Variants in UBA6 observed in about 807,000 individuals in gnomAD.
The protein encoded by UBA6 is ubiquitin like modifier activating enzyme 6, also known as ubiquitin-like modifier-activating enzyme 6.
UBA6 carries 87 observed loss-of-function variants against 148.3 expected under a neutral mutation model. That is an observed-to-expected ratio of 0.59 (90% confidence interval 0.49 to 0.70). The LOEUF (loss-of-function observed/expected upper bound fraction) is 0.70. Among genes scored for constraint, UBA6 ranks in the 30% least tolerant of loss-of-function variants. The pLI is 0.00. For missense variants in UBA6, 1,186 were observed against 1,241.2 expected, an observed-to-expected ratio of 0.96 and a Z score of 0.67; for synonymous variants, 376 against 401.0, an observed-to-expected ratio of 0.94 and a Z score of 0.75.
Position 67,624,126 on chromosome 4 carries a change from C to A in UBA6, c.2840G>T (p.Arg947Ile). 6.4e-7 allele frequency: 1 copy of A among 1,574,538 alleles called. No homozygotes were observed. The change falls in exon 30 of 33, where the codon AGA becomes ATA. Residue 947 changes from arginine (R) to isoleucine (I), a missense_variant and splice_region_variant. Transcript: ENST00000322244. Reference protein sequence around the residue: ...ETTEVRKTKIRNGISFTIWDR... With the variant: ...ETTEVRKTKIINGISFTIWDR... ...AAGAGAAATAGACTTTCATACATAC[C>A]TGATTTTAGTTTTCCTTACTTCAGT... is the stretch of plus-strand genomic sequence containing the variant.
At chr4:67,696,177 A>C (rs1174407214) in intron 2 of UBA6, among the ~76,000 whole-genome samples, 1 of 152,156 alleles carries the variant, frequency 6.6e-6, no homozygotes, top group African/African-American at 2.4e-5. Context: ...TGTATGACTA[A>C]AGTGAAATAT....
chr4:67,613,927 T>C lies in UBA6; in HGVS notation c.*5070A>G, dbSNP rs1728580988. 1 of 152,158 alleles carries C rather than the reference T, an allele frequency of 6.6e-6. No homozygotes were observed. 9.4% of individuals were successfully genotyped at this position (152,158 alleles called of 1,614,324 possible). On this transcript the variant is annotated 3_prime_UTR_variant, in exon 33 of 33. Transcript: ENST00000322244. ...GCAAAGCCATCCCTTGTGGGAAAAA[T>C]CTACATTCTATAAAGAATCCCCTTT... is the stretch of plus-strand genomic sequence containing the variant.
intron 12 of UBA6, 65 bp downstream of exon 12, chr4:67,663,074 T>C (rs1397005564): frequency 7.5e-6 from 9 of 1,205,002 alleles, no homozygotes; most frequent in Non-Finnish European, 1.1e-5. Flanking sequence ...ACTTTTTAAA[T>C]TATAATTTCT....
chr4:67,635,653 CT>C (rs34759035), intron 19 of UBA6, 95 bp from the exon 20 acceptor site: 17,321 of 701,108 alleles, frequency 0.025, 614 homozygotes, highest in Admixed American at 0.097. Flanking sequence ...ATTTCACATA[CT>C]GATCACTTCT....
chr4:67,662,056 G>A, intron 13 of UBA6, 133 bp downstream of exon 13: 1 of 709,948 alleles, frequency 1.4e-6, no homozygotes, highest in Non-Finnish European at 2.4e-6. Flanking sequence ...AATTAAAACA[G>A]AACAAACTGA....
intron 7 of UBA6, 135 bp downstream of exon 7, chr4:67,673,562 C>A: frequency 2.4e-5 from 11 of 465,632 alleles, no homozygotes; most frequent in Middle Eastern, 6.1e-4. Flanking sequence ...ATGAATATAT[C>A]AAAATTAATG....
intron 1 of UBA6, among the ~76,000 whole-genome samples, chr4:67,698,974 A>G (rs144440763): frequency 1.1e-4 from 17 of 152,294 alleles, no homozygotes; most frequent in African/African-American, 3.6e-4. Flanking sequence ...ACAAACAAAC[A>G]AAACAAAACA....
intron 26 of UBA6, among the ~76,000 whole-genome samples, chr4:67,629,410 T>A (rs1728946529): frequency 6.6e-6 from 1 of 151,888 alleles, no homozygotes; most frequent in African/African-American, 2.4e-5. Context: ...TTAAAAGGCA[T>A]TTTTAGGACT....
chr4:67,683,762 C>A (rs958062665), intron 2 of UBA6, among the ~76,000 whole-genome samples: 1 of 152,054 alleles, frequency 6.6e-6, no homozygotes, highest in African/African-American at 2.4e-5. Context: ...TTAGACAGTG[C>A]CAAACTGTTT....
In UBA6 at chr4:67,701,129, A is replaced by C; in HGVS notation, c.-10T>G. 1 of 1,612,062 alleles carries C rather than the reference A, an allele frequency of 6.2e-7. No individual in the cohort carries two copies. Among genetic ancestry groups the C allele is most frequent in the Non-Finnish European group, 8.5e-7 (1 of 1,179,724 alleles). On this transcript the variant is annotated 5_prime_UTR_variant, in exon 1 of 33. Coordinates refer to ENST00000322244, the MANE Select transcript of UBA6 (RefSeq NM_018227.6). Reference sequence around the variant, plus strand: ...GCTCGGATCCTTCCATTGCCGCCTGAGACACCGCCGCCGGCTACTGGAAGG... The same window carrying C: ...GCTCGGATCCTTCCATTGCCGCCTGCGACACCGCCGCCGGCTACTGGAAGG...
intron 27 of UBA6, among the ~76,000 whole-genome samples, chr4:67,628,115 TG>T (rs1728912865): frequency 1.3e-5 from 2 of 151,814 alleles, no homozygotes; most frequent in South Asian, 4.1e-4. Flanking sequence ...TAACATTAAG[TG>T]GATCTTCAGT....
In UBA6 at chr4:67,649,088, A is replaced by AT; in HGVS notation, c.1227dup (p.Phe410IlefsTer11). 6.2e-7 allele frequency: 1 copy of AT among 1,613,462 alleles called. No individual in the cohort carries two copies. Among genetic ancestry groups the AT allele is most frequent in the East Asian group, 2.2e-5 (1 of 44,854 alleles). On this transcript the variant is annotated frameshift_variant, in exon 14 of 33. Transcript: ENST00000322244. LOFTEE classifies it high-confidence loss of function. Reference sequence around the variant, plus strand: ...CTAACCCACTGGCACAAAGGAGAAAATTTTCCTGTTACAGCTTTCAATACT... The same window carrying AT: ...CTAACCCACTGGCACAAAGGAGAAAATTTTTCCTGTTACAGCTTTCAATACT...
intron 30 of UBA6, 113 bp downstream of exon 30, chr4:67,624,013 T>A: frequency 1.1e-6 from 1 of 898,344 alleles, no homozygotes; most frequent in Non-Finnish European, 1.6e-6. Flanking sequence ...TGGCAAAAAT[T>A]TACACATACA....
intron 6 of UBA6, among the ~76,000 whole-genome samples, chr4:67,675,561 T>A (rs371457192): frequency 6.6e-5 from 10 of 152,060 alleles, no homozygotes; most frequent in African/African-American, 2.4e-4. Flanking sequence ...TGAAGCCCCA[T>A]CTCTACTAAA....
Position 67,677,575 on chromosome 4 carries a change from C to T in UBA6, c.465+36G>A, listed in dbSNP as rs746396014. The T allele has an allele frequency of 6.3e-6, 7 of 1,106,972 alleles. No individual in the cohort carries two copies. In the Admixed American group the frequency reaches 6.5e-5, roughly 10 times the overall value. 68.6% of individuals were successfully genotyped at this position (1,106,972 alleles called of 1,614,324 possible). ...ATATTTAACAATTTTGCCCTGGAACCTGTCAATAACATTTAATACAAAATG... is the reference window on the plus strand; with the variant it reads ...ATATTTAACAATTTTGCCCTGGAACTTGTCAATAACATTTAATACAAAATG... On this transcript the variant is annotated intron_variant, in intron 6 of 32. Coordinates refer to ENST00000322244, the MANE Select transcript of UBA6 (RefSeq NM_018227.6).
intron 19 of UBA6, 57 bp downstream of exon 19, chr4:67,638,886 G>A: frequency 7.6e-7 from 1 of 1,315,444 alleles, no homozygotes; most frequent in Non-Finnish European, 1.1e-6. Flanking sequence ...AGTAATGTGG[G>A]AAACAGAAGT....
Position 67,701,141 on chromosome 4 carries a change from C to A in UBA6, c.-22G>T. On this transcript the variant is annotated 5_prime_UTR_variant, in exon 1 of 33. Transcript: ENST00000322244. ...CCATTGCCGCCTGAGACACCGCCGC[C>A]GGCTACTGGAAGGTAGGAAGGGGCG... 5 of 1,598,516 alleles carry A rather than the reference C, an allele frequency of 3.1e-6. No individual in the cohort carries two copies. Among genetic ancestry groups the A allele is most frequent in the Non-Finnish European group, 4.3e-6 (5 of 1,173,058 alleles).
intron 2 of UBA6, among the ~76,000 whole-genome samples, chr4:67,694,648 C>T (rs1228061278): frequency 1.3e-5 from 2 of 152,122 alleles, no homozygotes; most frequent in African/African-American, 4.8e-5. Flanking sequence ...CCACCCGCCT[C>T]GGCCTCCCAA....
rs376211960 is a variant in UBA6 at position 67,696,607 on chromosome 4, A to G, written c.134+38T>C. 7.9e-6 allele frequency: 12 copies of G among 1,509,994 alleles called. No individual in the cohort carries two copies. In the African/African-American group the frequency reaches 1.4e-4, roughly 17 times the overall value. 93.5% of individuals were successfully genotyped at this position (1,509,994 alleles called of 1,614,324 possible). A position where few individuals can be genotyped will look rare whatever the true frequency, so the allele number is the denominator to read the frequency against. ...CTACTTGATTATTTGAGAACAATTAATGGGGAAAATAAGTTTCAGTTTCTA... is the reference window on the plus strand; with the variant it reads ...CTACTTGATTATTTGAGAACAATTAGTGGGGAAAATAAGTTTCAGTTTCTA... On this transcript the variant is annotated intron_variant, in intron 2 of 32. Coordinates refer to ENST00000322244, the MANE Select transcript of UBA6 (RefSeq NM_018227.6).
Sources: gnomAD v4.1 joint callset for allele counts (sites outside exome capture counted in the v4.1 genomes callset) on GRCh38, gnomAD v4.1.1 for gene constraint, MANE v1.5 for transcripts, NCBI Gene and HGNC (gene_info 2026-07-23, HGNC 2026-07-21) for gene names.